Variants in DLGAP2 observed in about 807,000 individuals in gnomAD.
DLGAP2 encodes DLG associated protein 2.
A neutral mutation model predicts 100.3 loss-of-function variants in DLGAP2; 26 were observed. That is an observed-to-expected ratio of 0.26 (90% CI 0.19 to 0.36). The LOEUF is 0.36. DLGAP2 is among the 10% of genes least tolerant of loss of function. The pLI is 1.00. For missense variants in DLGAP2, 1,858 were observed against 1,453.2 expected, an observed-to-expected ratio of 1.28 and a Z score of -4.53; for synonymous variants, 886 against 630.1, an observed-to-expected ratio of 1.41 and a Z score of -6.08.
intron 4 of DLGAP2, among the ~76,000 whole-genome samples, chr8:1,533,938 G>C (rs191507995): frequency 6.6e-6 from 1 of 152,200 alleles, no homozygotes; most frequent in Non-Finnish European, 1.5e-5. Context: ...CTGGGCAGCA[G>C]AGCAAGACTT....
rs145045172 is a variant in DLGAP2, at chr8:887,393, G to A, written c.19-20519G>A. Among the ~76,000 whole-genome samples the A allele has an allele frequency of 1.7e-3, 253 of 152,308 alleles. 2 individuals carry two copies. The highest frequency in any genetic ancestry group is 5.9e-3 in the African/African-American group (245 of 41,564). ...TTACATTTAAGGTTAGTATTGTTAT[G>A]TATGAATTTGATCCTGTCATCATGA... On this transcript the variant is annotated intron_variant, in intron 1 of 14. Transcript: ENST00000637795.
At chr8:1,313,557 A>T (rs1347141772) in intron 3 of DLGAP2, among the ~76,000 whole-genome samples, 4 of 152,220 alleles carry the variant, frequency 2.6e-5, no homozygotes, top group Non-Finnish European at 5.9e-5. Flanking sequence ...TGGGTTCCTC[A>T]TAAAGGTTTT....
intron 1 of DLGAP2, among the ~76,000 whole-genome samples, chr8:876,335 G>C (rs1353651181): frequency 1.3e-5 from 2 of 152,070 alleles, no homozygotes; most frequent in Non-Finnish European, 1.5e-5. Flanking sequence ...TAAATTCTCT[G>C]AGTTTTTATT....
At chr8:1,061,040 C>A (rs546549005) in intron 2 of DLGAP2, among the ~76,000 whole-genome samples, 7 of 152,204 alleles carry the variant, frequency 4.6e-5, no homozygotes, top group African/African-American at 1.2e-4. Flanking sequence ...GCAGTTCCCC[C>A]ACGTGGGCAG....
intron 3 of DLGAP2, among the ~76,000 whole-genome samples, chr8:1,492,551 G>T (rs946979572): frequency 6.6e-5 from 10 of 152,192 alleles, no homozygotes; most frequent in African/African-American, 2.4e-4. Flanking sequence ...TGGGGACCGC[G>T]CTTCGCTCCG....
At chr8:1,665,577 G>A (rs1027586041) in intron 8 of DLGAP2, among the ~76,000 whole-genome samples, 7 of 152,252 alleles carry the variant, frequency 4.6e-5, no homozygotes, top group African/African-American at 9.6e-5. Context: ...ATATTCCCGC[G>A]TCTCTCTGTT....
chr8:1,608,761 G>A (rs1187255885), intron 6 of DLGAP2, among the ~76,000 whole-genome samples: 2 of 149,042 alleles, frequency 1.3e-5, no homozygotes, highest in Non-Finnish European at 3.0e-5. Context: ...CTCAGGAGCC[G>A]ATGCGATCAA....
At chr8:884,134 A>G (rs1797875043) in intron 1 of DLGAP2, among the ~76,000 whole-genome samples, 1 of 152,224 alleles carries the variant, frequency 6.6e-6, no homozygotes, top group Admixed American at 6.5e-5. Context: ...AGAATGATTT[A>G]TAATTCTTTG....
chr8:1,080,951 C>T (rs1397926125), intron 2 of DLGAP2, among the ~76,000 whole-genome samples: 1 of 152,050 alleles, frequency 6.6e-6, no homozygotes, highest in Non-Finnish European at 1.5e-5. Context: ...GAGAAGCCAT[C>T]GATATCTTGA....
chr8:1,380,496 C>A (rs1019230311), intron 3 of DLGAP2, among the ~76,000 whole-genome samples: 2 of 152,108 alleles, frequency 1.3e-5, no homozygotes, highest in Admixed American at 1.3e-4. Context: ...TGCTCAGCTG[C>A]ACAAAAGACT....
At chr8:1,659,495 C>G (rs747552959) in intron 8 of DLGAP2, among the ~76,000 whole-genome samples, 30 of 152,290 alleles carry the variant, frequency 2.0e-4, no homozygotes, top group Middle Eastern at 3.4e-3. Flanking sequence ...TTATAGGTCT[C>G]TAAGAACTTG....
At chr8:1,681,846 C>T (rs149524397) in intron 12 of DLGAP2, among the ~76,000 whole-genome samples, 65 of 151,062 alleles carry the variant, frequency 4.3e-4, no homozygotes, top group Middle Eastern at 3.4e-3. Context: ...AGCGGTGACC[C>T]GGGACTGGGA....
At chr8:1,101,815 GA>G (rs1319914301) in intron 2 of DLGAP2, among the ~76,000 whole-genome samples, 7 of 32,268 alleles carry the variant, frequency 2.2e-4, no homozygotes, top group Admixed American at 5.5e-4. Context: ...AACACGACAC[GA>G]CGATGGGAAG....
chr8:1,321,844 G>T (rs1029366897), intron 3 of DLGAP2, among the ~76,000 whole-genome samples: 1 of 152,108 alleles, frequency 6.6e-6, no homozygotes, highest in Non-Finnish European at 1.5e-5. Context: ...GATAAACAAG[G>T]GTTCCTTTCT....
intron 5 of DLGAP2, among the ~76,000 whole-genome samples, chr8:1,551,927 G>C (rs1189817367): frequency 2.0e-5 from 3 of 152,196 alleles, no homozygotes; most frequent in Admixed American, 6.5e-5. Flanking sequence ...GGGCCCGCCT[G>C]GCAGCTGCTG....
intron 1 of DLGAP2, among the ~76,000 whole-genome samples, chr8:829,522 A>G (rs953458418): frequency 1.1e-4 from 17 of 152,266 alleles, no homozygotes; most frequent in Admixed American, 7.8e-4. Flanking sequence ...ATTATTTAAA[A>G]GTAAGTATAC....
At chr8:1,090,027 C>T (rs1355147823) in intron 2 of DLGAP2, among the ~76,000 whole-genome samples, 10 of 150,718 alleles carry the variant, frequency 6.6e-5, no homozygotes, top group African/African-American at 9.7e-5. Context: ...CCCTCCTGGC[C>T]AGGCAGGGGT....
At chr8:1,484,870 C>G (rs1472694662) in intron 3 of DLGAP2, among the ~76,000 whole-genome samples, 2 of 152,326 alleles carry the variant, frequency 1.3e-5, no homozygotes, top group East Asian at 3.9e-4. Flanking sequence ...GAGAGCAGAC[C>G]TGGTCTCTCA....
chr8:1,352,299 T>C lies in DLGAP2; in HGVS notation c.106+93416T>C, dbSNP rs867669990. 4.6e-4 allele frequency among the ~76,000 whole-genome samples: 61 copies of C among 133,554 alleles called. 1 individual carries two copies. The highest frequency in any genetic ancestry group is 4.4e-3 in the Middle Eastern group (1 of 226). The allele number at this position is 133,554 out of a possible 152,430, so 87.6% of individuals were successfully genotyped here. On this transcript the variant is annotated intron_variant, in intron 3 of 14. Transcript: ENST00000637795. The stretch of plus-strand genomic sequence containing the variant: ...AGGACGTGCGGGTCCTGAGCGTGTG[T>C]GTGGAAAGGCCGTGCGGGTCCTGAG...
Sources: gnomAD v4.1 joint callset for allele counts (sites outside exome capture counted in the v4.1 genomes callset) on GRCh38, gnomAD v4.1.1 for gene constraint, MANE v1.5 for transcripts, NCBI Gene and HGNC (gene_info 2026-07-23, HGNC 2026-07-21) for gene names.